Variants in PCDH19 observed in about 807,000 individuals in gnomAD.
PCDH19 encodes protocadherin 19, also known as protocadherin-19.
Under a neutral mutation model 46.2 loss-of-function variants are expected in PCDH19, and 6 were observed. The observed-to-expected ratio is 0.13, with a 90% CI of 0.07 to 0.26. The LOEUF is 0.26. PCDH19 is among the 10% of genes least tolerant of loss of function. PCDH19 has a pLI of 1.00. For synonymous variants in PCDH19, 481 were observed against 415.7 expected (o/e 1.16, Z -1.91); for missense variants, 740 against 972.3 (o/e 0.76, Z 3.18).
intron 2 of PCDH19, 44 bp from the exon 3 acceptor site, chrX:100,402,895 A>G: frequency 9.9e-7 from 1 of 1,012,873 alleles, no homozygotes; most frequent in Non-Finnish European, 1.4e-6. Context: ...CACCCTCCCA[A>G]ATCATGCACT....
intron 3 of PCDH19, among the ~76,000 whole-genome samples, chrX:100,392,167 T>G (rs760174110): frequency 8.9e-6 from 1 of 112,373 alleles, no homozygotes; most frequent in African/African-American, 3.2e-5. Flanking sequence ...ACCAGTTTTA[T>G]AAGGTTTTGC....
At position 100,324,164 on chromosome X, in the gene PCDH19, C is replaced by T. The variant is rs148678814; in HGVS notation, c.2848+17739G>A. On this transcript the variant is annotated intron_variant, in intron 5 of 5. Transcript: ENST00000373034. ...GCCACCTTGTTTAGGAAAGGAGGAACGATCAGACAATTAAGTACCCTTAAG... is the reference window on the plus strand; with the variant it reads ...GCCACCTTGTTTAGGAAAGGAGGAATGATCAGACAATTAAGTACCCTTAAG... Among the ~76,000 whole-genome samples, 759 of 111,731 alleles carry T rather than the reference C, an allele frequency of 6.8e-3. 4 individuals carry two copies. The highest frequency in any genetic ancestry group is 0.023 in the African/African-American group (709 of 30,770).
In PCDH19 at chrX:100,329,126, G is replaced by T. The variant is rs890646443; in HGVS notation, c.2848+12777C>A. Among the ~76,000 whole-genome samples the T allele has an allele frequency of 9.8e-5, 11 of 112,081 alleles. 1 individual carries two copies. Among genetic ancestry groups the T allele is most frequent in the Admixed American group, 1.9e-4 (2 of 10,613 alleles). ...TACACCTACCCTCCGGCTAACCAGG[G>T]CCCAACAATAAGGTGATATTTTCTA... On this transcript the variant is annotated intron_variant, in intron 5 of 5. Transcript: ENST00000373034.
At chrX:100,353,559 C>G (rs1476988350) in intron 3 of PCDH19, among the ~76,000 whole-genome samples, 1 of 111,505 alleles carries the variant, frequency 9.0e-6, no homozygotes, top group Non-Finnish European at 1.9e-5. Flanking sequence ...TATATCTCAT[C>G]ATGAGGATTC....
intron 5 of PCDH19, among the ~76,000 whole-genome samples, chrX:100,322,861 A>ATTTTT (rs1157437894): frequency 0.031 from 1,355 of 44,374 alleles, 87 homozygotes; most frequent in African/African-American, 0.094. Context: ...ATATATATAT[A>ATTTTT]TATATTTTTG....
chrX:100,306,721 G>A (rs1016863154), intron 5 of PCDH19, among the ~76,000 whole-genome samples: 3 of 109,693 alleles, frequency 2.7e-5, no homozygotes, highest in East Asian at 2.9e-4. Context: ...GAAACAAAAC[G>A]GGATATATTA....
intron 4 of PCDH19, among the ~76,000 whole-genome samples, chrX:100,349,666 C>T (rs185463720): frequency 2.7e-5 from 3 of 112,517 alleles, no homozygotes; most frequent in African/African-American, 6.4e-5. Context: ...ACCCTGCTGG[C>T]CTCTCTGTTT....
At chrX:100,361,266 TC>T (rs1243704649) in intron 3 of PCDH19, among the ~76,000 whole-genome samples, 2 of 111,257 alleles carry the variant, frequency 1.8e-5, no homozygotes, top group Non-Finnish European at 3.8e-5. Flanking sequence ...AAGGGTTCAT[TC>T]CCCCCACAGC....
chrX:100,400,613 A>G (rs1346489510), intron 3 of PCDH19, among the ~76,000 whole-genome samples: 1 of 112,399 alleles, frequency 8.9e-6, no homozygotes, highest in South Asian at 3.7e-4. Flanking sequence ...AATAATTATA[A>G]CTGAGTTTAC....
intron 5 of PCDH19, among the ~76,000 whole-genome samples, chrX:100,303,172 T>C (rs906175696): frequency 1.4e-4 from 15 of 111,070 alleles, no homozygotes; most frequent in African/African-American, 4.9e-4. Flanking sequence ...GCAAGTTTTC[T>C]ATACTAACAA....
At chrX:100,319,110 G>A (rs1490013908) in intron 5 of PCDH19, among the ~76,000 whole-genome samples, 1 of 111,790 alleles carries the variant, frequency 8.9e-6, no homozygotes, top group Non-Finnish European at 1.9e-5. Context: ...GGCGTTTGGG[G>A]TGGGGAAGCA....
At chrX:100,363,291 C>T (rs1433204530) in intron 3 of PCDH19, among the ~76,000 whole-genome samples, 20 of 100,409 alleles carry the variant, frequency 2.0e-4, no homozygotes, top group African/African-American at 6.7e-4. Flanking sequence ...ACAACAAGAG[C>T]GAAACTCCAT....
rs1293887294 is a variant in PCDH19, at chrX:100,294,547, C to T, written c.*1730G>A. 2.8e-5 allele frequency: 3 copies of T among 106,991 alleles called. No individual in the cohort carries two copies. Among genetic ancestry groups the T allele is most frequent in the Admixed American group, 2.1e-4 (2 of 9,620 alleles). 8.8% of individuals were successfully genotyped at this position (106,991 alleles called of 1,213,427 possible). A position where few individuals can be genotyped will look rare whatever the true frequency, so the allele number is the denominator to read the frequency against. On this transcript the variant is annotated 3_prime_UTR_variant, in exon 6 of 6. Coordinates refer to ENST00000373034, the MANE Select transcript of PCDH19 (RefSeq NM_001184880.2). ...TAAGTAAAACATTCAAAAGAGCTGACTTATCTACCTAAACTTAAGAAAATA... is the reference window on the plus strand; with the variant it reads ...TAAGTAAAACATTCAAAAGAGCTGATTTATCTACCTAAACTTAAGAAAATA...
rs143120671 is a variant in PCDH19 at position 100,381,982 on chromosome X, T to C, written c.2616+20542A>G. Among the ~76,000 whole-genome samples, 5 of 110,452 alleles carry C rather than the reference T, an allele frequency of 4.5e-5. No homozygotes were observed. The East Asian group carries it at 1.4e-3, about 31-fold the overall frequency. ...TAATTATACGTGCATGGATTACAACTCTATAAGCTAGAGAAGGAAAATAAT... is the reference window on the plus strand; with the variant it reads ...TAATTATACGTGCATGGATTACAACCCTATAAGCTAGAGAAGGAAAATAAT... On this transcript the variant is annotated intron_variant, in intron 3 of 5. Transcript: ENST00000373034.
chrX:100,333,163 A>AG (rs1569294627), intron 5 of PCDH19, among the ~76,000 whole-genome samples: 15 of 40,599 alleles, frequency 3.7e-4, no homozygotes, highest in South Asian at 2.1e-3. Context: ...GGAAGGAAGG[A>AG]AGGAAGGAAG....
chrX:100,339,406 A>G (rs1926188827), intron 5 of PCDH19, among the ~76,000 whole-genome samples: 1 of 112,128 alleles, frequency 8.9e-6, no homozygotes, highest in East Asian at 2.8e-4. Flanking sequence ...AAGCAACAAT[A>G]CCATGTTACC....
At chrX:100,401,290 T>C (rs1452452712) in intron 3 of PCDH19, among the ~76,000 whole-genome samples, 1 of 111,872 alleles carries the variant, frequency 8.9e-6, no homozygotes, top group Non-Finnish European at 1.9e-5. Flanking sequence ...CCATCATCCA[T>C]ATACCACTCT....
chrX:100,376,902 T>C (rs888051089), intron 3 of PCDH19, among the ~76,000 whole-genome samples: 3 of 112,470 alleles, frequency 2.7e-5, no homozygotes, highest in African/African-American at 9.7e-5. Flanking sequence ...TCACAACTGG[T>C]AATGCCTTCT....
At chrX:100,369,507 T>C (rs1569304036) in intron 3 of PCDH19, among the ~76,000 whole-genome samples, 3 of 112,451 alleles carry the variant, frequency 2.7e-5, no homozygotes, top group Admixed American at 9.4e-5. Context: ...GTCAGTTAGC[T>C]GGTCCTAGAC....
Sources: gnomAD v4.1 joint callset for allele counts (sites outside exome capture counted in the v4.1 genomes callset) on GRCh38, gnomAD v4.1.1 for gene constraint, MANE v1.5 for transcripts, NCBI Gene and HGNC (gene_info 2026-07-23, HGNC 2026-07-21) for gene names.